GSG1L: variants seen among roughly 807,000 people sequenced by gnomAD.
The protein encoded by GSG1L is germ cell-specific gene 1-like protein.
GSG1L carries 24 observed loss-of-function variants against 42.1 expected under a neutral mutation model. The ratio of observed to expected loss-of-function variants is 0.57; its 90% confidence interval spans 0.41 to 0.80. The LOEUF (loss-of-function observed/expected upper bound fraction) is 0.80. GSG1L is among the 30% of genes least tolerant of loss of function. The pLI, the probability that GSG1L is intolerant of heterozygous loss-of-function variation, is 0.00. For missense variants in GSG1L, 445 were observed against 472.2 expected, an observed-to-expected ratio of 0.94 and a Z score of 0.53; for synonymous variants, 215 against 203.5, an observed-to-expected ratio of 1.06 and a Z score of -0.48.
At chr16:27,951,821 GA>G (rs2084953328) in intron 2 of GSG1L, among the ~76,000 whole-genome samples, 1 of 152,162 alleles carries the variant, frequency 6.6e-6, no homozygotes, top group South Asian at 2.1e-4. Flanking sequence ...ATTGTAAATC[GA>G]TTTCAGGCGG....
intron 1 of GSG1L, among the ~76,000 whole-genome samples, chr16:27,989,094 A>G (rs1018639604): frequency 1.3e-5 from 2 of 151,888 alleles, no homozygotes; most frequent in African/African-American, 4.8e-5. Flanking sequence ...AAAGAAAGAA[A>G]AAAAGGAGAG....
At position 28,059,884 on chromosome 16, in the gene GSG1L, C is replaced by T. The variant is rs2086321513; in HGVS notation, c.349+3192G>A. Among the ~76,000 whole-genome samples, 1 of 152,150 alleles carries T rather than the reference C, an allele frequency of 6.6e-6. No individual in the cohort carries two copies. The highest frequency in any genetic ancestry group is 2.1e-4 in the South Asian group (1 of 4,828). On this transcript the variant is annotated intron_variant, in intron 1 of 6. Transcript: ENST00000447459. The surrounding 1 kb of genome is among the most constrained non-coding windows in gnomAD (Gnocchi z 4.4). Reference sequence around the variant, plus strand: ...AAGTGTGTCTGTTTAGGGCAGGCTGCAGTTTTCTTTGTGAACACTGTAGAT... The same window carrying T: ...AAGTGTGTCTGTTTAGGGCAGGCTGTAGTTTTCTTTGTGAACACTGTAGAT...
chr16:27,847,548 G>C (rs904693980), intron 3 of GSG1L, among the ~76,000 whole-genome samples: 1 of 152,234 alleles, frequency 6.6e-6, no homozygotes, highest in African/African-American at 2.4e-5. Flanking sequence ...GAGGAAAGCA[G>C]AGCCAGGAAA....
At chr16:27,979,193 A>C (rs2085285579) in intron 1 of GSG1L, among the ~76,000 whole-genome samples, 1 of 152,146 alleles carries the variant, frequency 6.6e-6, no homozygotes, top group Non-Finnish European at 1.5e-5. Flanking sequence ...TCATGCTTGT[A>C]GTCCCAGCTA....
intron 1 of GSG1L, among the ~76,000 whole-genome samples, chr16:27,972,987 G>A (rs2085210443): frequency 6.6e-6 from 1 of 152,180 alleles, no homozygotes; most frequent in Non-Finnish European, 1.5e-5. Flanking sequence ...TCTGACTTCT[G>A]GAATCAGCAG....
At chr16:27,900,713 G>A (rs753525029) in intron 2 of GSG1L, among the ~76,000 whole-genome samples, 6 of 152,120 alleles carry the variant, frequency 3.9e-5, no homozygotes, top group Non-Finnish European at 7.3e-5. Context: ...TTGGCATCTG[G>A]TGAAGCCTCA....
At chr16:27,850,681 A>C in intron 3 of GSG1L, 2 of 433,570 alleles carry the variant, frequency 4.6e-6, no homozygotes, top group African/African-American at 4.0e-5. Context: ...TCAAAGCATA[A>C]TGCTGCCTGG....
intron 1 of GSG1L, 130 bp downstream of exon 1, chr16:28,062,946 G>GCCAGGCGGAGCGCTGGGAGCTGGGC (rs1433259494): frequency 8.8e-5 from 104 of 1,177,166 alleles, no homozygotes; most frequent in Non-Finnish European, 1.0e-4. Flanking sequence ...GTCGCCCCTA[G>GCCAGGCGGAGCGCTGGGAGCTGGGC]CCAGGCGGAG....
At position 28,059,215 on chromosome 16, in the gene GSG1L, A is replaced by G. The variant is rs973482911; in HGVS notation, c.349+3861T>C. Among the ~76,000 whole-genome samples, 2 of 152,132 alleles carry G rather than the reference A, an allele frequency of 1.3e-5. No homozygotes were observed. The highest frequency in any genetic ancestry group is 2.9e-5 in the Non-Finnish European group (2 of 68,012). Reference sequence around the variant, plus strand: ...AAACCACGCTGCTAGTAAGAGGCTGAGCCCAGCCTTGAACTTCCACCAGTT... The same window carrying G: ...AAACCACGCTGCTAGTAAGAGGCTGGGCCCAGCCTTGAACTTCCACCAGTT... On this transcript the variant is annotated intron_variant, in intron 1 of 6. Transcript: ENST00000447459. This position sits in a 1 kb window ranked among gnomAD's most constrained non-coding sequence, Gnocchi z 4.4.
At chr16:27,979,317 G>A (rs935602643) in intron 1 of GSG1L, among the ~76,000 whole-genome samples, 13 of 151,988 alleles carry the variant, frequency 8.6e-5, no homozygotes, top group African/African-American at 3.1e-4. Context: ...TGTAATCCCA[G>A]CACTTTGGAA....
intron 2 of GSG1L, among the ~76,000 whole-genome samples, chr16:27,923,067 C>T (rs4493041): frequency 0.29 from 43,439 of 152,120 alleles, 6,993 homozygotes; most frequent in East Asian, 0.43. Context: ...GGATTACAGG[C>T]GTAAGCCACC....
intron 2 of GSG1L, among the ~76,000 whole-genome samples, chr16:27,888,486 TCTTTC>T (rs2084071873): frequency 2.1e-4 from 1 of 4,664 alleles, no homozygotes; most frequent in African/African-American, 5.8e-4. Flanking sequence ...CTCTTTCCTT[TCTTTC>T]TTTCTTTCTT....
chr16:27,822,943 C>T (rs1486182890), intron 5 of GSG1L, among the ~76,000 whole-genome samples: 1 of 149,618 alleles, frequency 6.7e-6, no homozygotes, highest in East Asian at 1.9e-4. Flanking sequence ...TCCCAAAAAG[C>T]TCCGGGGGCT....
At chr16:27,835,317 CCTG>C (rs1317053067) in intron 4 of GSG1L, among the ~76,000 whole-genome samples, 1 of 151,978 alleles carries the variant, frequency 6.6e-6, no homozygotes, top group African/African-American at 2.4e-5. Flanking sequence ...TATAGCTAAT[CCTG>C]CTTTCTTTTG....
At chr16:27,851,139 G>A (rs1475556028) in intron 3 of GSG1L, among the ~76,000 whole-genome samples, 2 of 152,130 alleles carry the variant, frequency 1.3e-5, no homozygotes, top group African/African-American at 4.8e-5. Context: ...ATGGGAATTG[G>A]GATGCGTTAC....
intron 1 of GSG1L, among the ~76,000 whole-genome samples, chr16:27,997,948 C>T (rs1188208904): frequency 6.6e-6 from 1 of 151,340 alleles, no homozygotes; most frequent in Non-Finnish European, 1.5e-5. Flanking sequence ...TAACCTCCAC[C>T]TCCCAGCTTC....
At chr16:28,043,119 G>T (rs1383467857) in intron 1 of GSG1L, among the ~76,000 whole-genome samples, 1 of 152,200 alleles carries the variant, frequency 6.6e-6, no homozygotes, top group Non-Finnish European at 1.5e-5. Flanking sequence ...AACACTAGGG[G>T]CAGAGAGAAT....
At chr16:27,941,633 A>C (rs1375868617) in intron 2 of GSG1L, among the ~76,000 whole-genome samples, 1 of 149,502 alleles carries the variant, frequency 6.7e-6, no homozygotes, top group Admixed American at 6.7e-5. Flanking sequence ...AGATTGTGCC[A>C]CTGCACTCCA....
At chr16:27,964,370 G>A (rs2085105936) in intron 1 of GSG1L, among the ~76,000 whole-genome samples, 1 of 151,910 alleles carries the variant, frequency 6.6e-6, no homozygotes, top group Non-Finnish European at 1.5e-5. Context: ...GCCACATTGA[G>A]GCATTGGTGG....
Sources: gnomAD v4.1 joint callset for allele counts (sites outside exome capture counted in the v4.1 genomes callset) on GRCh38, gnomAD v4.1.1 for gene constraint, Gnocchi (gnomAD v3.1) non-coding constraint, MANE v1.5 for transcripts, NCBI Gene and HGNC (gene_info 2026-07-23, HGNC 2026-07-21) for gene names.